FHIT: variants seen among roughly 807,000 people sequenced by gnomAD.
FHIT encodes the protein bis(5'-adenosyl)-triphosphatase.
FHIT carries 19 observed loss-of-function variants against 17.9 expected under a neutral mutation model. That is an observed-to-expected ratio of 1.06 (90% confidence interval 0.74 to 1.56). The LOEUF (loss-of-function observed/expected upper bound fraction) is 1.56, where lower values mean the gene tolerates loss of function less well. Among genes scored for constraint, FHIT ranks in the 40% most tolerant of loss-of-function variants. FHIT has a pLI of 0.00. For missense variants in FHIT, 248 were observed against 189.2 expected (o/e 1.31, Z -1.82); for synonymous variants, 81 against 69.7 (o/e 1.16, Z -0.81).
chr3:60,177,201 T>C (rs1358707268), intron 5 of FHIT, among the ~76,000 whole-genome samples: 5 of 149,234 alleles, frequency 3.4e-5, no homozygotes, highest in Non-Finnish European at 7.4e-5. Flanking sequence ...ATACCTGCCA[T>C]TAAAATAAAT....
chr3:60,852,255 A>G (rs1240907946), intron 3 of FHIT, among the ~76,000 whole-genome samples: 2 of 152,100 alleles, frequency 1.3e-5, no homozygotes, highest in Non-Finnish European at 2.9e-5. Flanking sequence ...CTGGGTCTCA[A>G]GCCTGTTGAT....
chr3:61,179,784 T>G (rs2038280676), intron 2 of FHIT, among the ~76,000 whole-genome samples: 2 of 144,946 alleles, frequency 1.4e-5, no homozygotes, highest in Non-Finnish European at 3.0e-5. Flanking sequence ...CAATCGCAGA[T>G]GAGTCAAGAT....
At chr3:60,041,981 T>C (rs964373849) in intron 5 of FHIT, among the ~76,000 whole-genome samples, 1 of 152,212 alleles carries the variant, frequency 6.6e-6, no homozygotes, top group Admixed American at 6.5e-5. Flanking sequence ...TAAAGAAGTA[T>C]ACAATAAAAA....
intron 2 of FHIT, among the ~76,000 whole-genome samples, chr3:61,181,441 C>A (rs944470511): frequency 6.6e-6 from 1 of 152,078 alleles, no homozygotes; most frequent in Non-Finnish European, 1.5e-5. Context: ...CCTTCTGGTA[C>A]TTGAAGGAAG....
chr3:59,959,752 T>C (rs1011017767), intron 7 of FHIT, among the ~76,000 whole-genome samples: 7 of 152,282 alleles, frequency 4.6e-5, no homozygotes, highest in Middle Eastern at 3.4e-3. Flanking sequence ...GACATTACTG[T>C]GCAATCACAA....
intron 5 of FHIT, among the ~76,000 whole-genome samples, chr3:60,350,569 T>C (rs1711035374): frequency 6.6e-6 from 1 of 152,192 alleles, no homozygotes; most frequent in African/African-American, 2.4e-5. Flanking sequence ...CCTTTGTTCC[T>C]GGTCCAGGAA....
chr3:60,063,023 C>A (rs1263916888), intron 5 of FHIT, among the ~76,000 whole-genome samples: 2 of 152,124 alleles, frequency 1.3e-5, no homozygotes, highest in Non-Finnish European at 2.9e-5. Context: ...TCCCAGTTCA[C>A]AACTAAATTA....
intron 3 of FHIT, among the ~76,000 whole-genome samples, chr3:61,011,407 C>G (rs1369113230): frequency 6.6e-6 from 1 of 152,150 alleles, no homozygotes; most frequent in Non-Finnish European, 1.5e-5. Flanking sequence ...CTCATAAATT[C>G]TTGATGAATC....
At chr3:60,007,966 T>C (rs1699988652) in intron 7 of FHIT, among the ~76,000 whole-genome samples, 1 of 152,124 alleles carries the variant, frequency 6.6e-6, no homozygotes, top group Admixed American at 6.6e-5. Flanking sequence ...TCAGTTTCCT[T>C]CACCTTAAAA....
intron 8 of FHIT, among the ~76,000 whole-genome samples, chr3:59,772,679 G>A (rs772852677): frequency 6.6e-5 from 10 of 152,288 alleles, no homozygotes; most frequent in East Asian, 5.8e-4. Flanking sequence ...TTATCCTAAC[G>A]AGAAGGCAAA....
At chr3:60,741,665 G>A (rs1378351092) in intron 4 of FHIT, among the ~76,000 whole-genome samples, 1 of 152,166 alleles carries the variant, frequency 6.6e-6, no homozygotes, top group Non-Finnish European at 1.5e-5. Context: ...TGGTCACTTT[G>A]CCTGAAATGC....
At chr3:60,626,783 C>CTTTTTTT (rs71627548) in intron 4 of FHIT, among the ~76,000 whole-genome samples, 7 of 85,956 alleles carry the variant, frequency 8.1e-5, no homozygotes, top group African/African-American at 1.4e-4. Flanking sequence ...GGGGAAAACA[C>CTTTTTTT]TCTTTTTTTT....
chr3:60,660,510 G>A (rs1262092090), intron 4 of FHIT, among the ~76,000 whole-genome samples: 9 of 152,020 alleles, frequency 5.9e-5, no homozygotes, highest in African/African-American at 2.2e-4. Context: ...ATAGACTCTA[G>A]AGTTCTAAAA....
At chr3:60,934,652 G>A (rs572400391) in intron 3 of FHIT, among the ~76,000 whole-genome samples, 3 of 152,196 alleles carry the variant, frequency 2.0e-5, no homozygotes, top group Non-Finnish European at 4.4e-5. Context: ...AGAGGAGAAT[G>A]CTAAATCTCA....
chr3:60,393,908 G>T (rs201110359), intron 5 of FHIT, among the ~76,000 whole-genome samples: 1 of 152,248 alleles, frequency 6.6e-6, no homozygotes, highest in Non-Finnish European at 1.5e-5. Flanking sequence ...CCTGCTCTGC[G>T]TTCAGTAATA....
intron 4 of FHIT, among the ~76,000 whole-genome samples, chr3:60,544,905 T>C (rs1425927690): frequency 6.6e-6 from 1 of 152,176 alleles, no homozygotes; most frequent in African/African-American, 2.4e-5. Context: ...CCAACTTATC[T>C]AGTTTTTGTT....
At chr3:60,214,811 A>G (rs926545062) in intron 5 of FHIT, among the ~76,000 whole-genome samples, 2 of 151,820 alleles carry the variant, frequency 1.3e-5, no homozygotes, top group Non-Finnish European at 2.9e-5. Context: ...TGGTACATAT[A>G]TACCACAGAA....
chr3:61,121,224 A>C (rs2036447216), intron 2 of FHIT, among the ~76,000 whole-genome samples: 1 of 152,160 alleles, frequency 6.6e-6, no homozygotes, highest in South Asian at 2.1e-4. Context: ...TCAACATTCA[A>C]ATTCAGGAAA....
chr3:60,473,215 T>C (rs747364591), intron 5 of FHIT, among the ~76,000 whole-genome samples: 5 of 152,208 alleles, frequency 3.3e-5, no homozygotes, highest in Non-Finnish European at 7.3e-5. Flanking sequence ...GAACCAACGC[T>C]GAAAACTCCA....
Sources: allele counts gnomAD v4.1 joint callset (sites outside exome capture counted in the v4.1 genomes callset), GRCh38; gene constraint gnomAD v4.1.1; transcripts MANE v1.5; gene names NCBI Gene and HGNC (gene_info 2026-07-23, HGNC 2026-07-21).